The following PUF60 variants were observed in gnomAD, a reference collection of about 807,000 sequenced individuals.
PUF60 encodes the protein poly(U) binding splicing factor 60.
Under a neutral mutation model 61.8 loss-of-function variants are expected in PUF60, and 10 were observed. The observed-to-expected ratio is 0.16, with a 90% CI of 0.10 to 0.27. The LOEUF (loss-of-function observed/expected upper bound fraction) is 0.27, where lower values mean the gene tolerates loss of function less well. PUF60 is among the 10% of genes least tolerant of loss of function. The probability of loss-of-function intolerance (pLI) is 1.00; values close to 1 mark genes in which losing one functional copy is unlikely to be tolerated. For synonymous variants in PUF60, 353 were observed against 300.9 expected (o/e 1.17, Z -1.79); for missense variants, 371 against 754.0 (o/e 0.49, Z 5.95).
Position 143,818,618 on chromosome 8 carries a change from C to G in PUF60, c.349-84G>C. 7.1e-7 allele frequency: 1 copy of G among 1,415,922 alleles called. No homozygotes were observed. The highest frequency in any genetic ancestry group is 2.5e-5 in the East Asian group (1 of 39,972). 87.7% of individuals were successfully genotyped at this position (1,415,922 alleles called of 1,614,324 possible). ...CAGCCCACTCCCCTCCTGGCCCACCCACCCAGCCCTGCTGTGGGGAGGGCT... is the reference window on the plus strand; with the variant it reads ...CAGCCCACTCCCCTCCTGGCCCACCGACCCAGCCCTGCTGTGGGGAGGGCT... On this transcript the variant is annotated intron_variant, in intron 5 of 11. Coordinates refer to ENST00000526683, the MANE Select transcript of PUF60 (RefSeq NM_078480.3). The surrounding 1 kb of genome is among the most constrained non-coding windows in gnomAD (Gnocchi z 7.9).
intron 4 of PUF60, 95 bp from the exon 5 acceptor site, chr8:143,820,811 C>T: frequency 8.1e-7 from 1 of 1,235,722 alleles, no homozygotes; most frequent in Non-Finnish European, 1.2e-6. Flanking sequence ...GGCCCGGAGT[C>T]CCCGCCCTGC....
At chr8:143,821,441 G>C in intron 4 of PUF60, 156 bp downstream of exon 4, 1 of 717,680 alleles carries the variant, frequency 1.4e-6, no homozygotes, top group Non-Finnish European at 2.3e-6. Flanking sequence ...TCGTGCCTCA[G>C]AGAGGACCCC....
chr8:143,819,549 C>T (rs1217717899), intron 5 of PUF60, among the ~76,000 whole-genome samples: 1 of 152,146 alleles, frequency 6.6e-6, no homozygotes, highest in Non-Finnish European at 1.5e-5. Context: ...TAATGCAGGC[C>T]GAACCTCCCC....
chr8:143,825,301 A>C (rs1207970686), intron 1 of PUF60, among the ~76,000 whole-genome samples: 1 of 152,174 alleles, frequency 6.6e-6, no homozygotes, highest in African/African-American at 2.4e-5. Context: ...GACCCACCAG[A>C]GTGTCCCAGG....
intron 2 of PUF60, chr8:143,823,183 C>T (rs1205819153): frequency 6.2e-6 from 1 of 160,244 alleles, no homozygotes; most frequent in Admixed American, 6.3e-5. Flanking sequence ...CCCTCAGCAC[C>T]AGGTGCCCCA....
rs376775479 is a variant in PUF60, at chr8:143,821,926, C to A, written c.112-13G>T. 1 of 1,570,856 alleles carries A rather than the reference C, an allele frequency of 6.4e-7. No individual in the cohort carries two copies. The stretch of plus-strand genomic sequence containing the variant: ...TGGAGTCTGTGCCCTGGTAAGGGAG[C>A]AGGGGAATCCATCAGCAGCAAGCTC... On this transcript the variant is annotated splice_polypyrimidine_tract_variant and intron_variant, in intron 2 of 11. Coordinates refer to ENST00000526683, the MANE Select transcript of PUF60 (RefSeq NM_078480.3).
At chr8:143,816,879 T>TC (rs1816370154) in intron 11 of PUF60, 31 bp downstream of exon 11, 7 of 901,096 alleles carry the variant, frequency 7.8e-6, no homozygotes, top group East Asian at 5.1e-5. Flanking sequence ...CCCTACCCTC[T>TC]CCCCCGCCAC....
intron 5 of PUF60, chr8:143,820,133 G>T (rs534172490): frequency 6.4e-6 from 1 of 157,376 alleles, no homozygotes; most frequent in Admixed American, 6.4e-5. Context: ...CCTCCGCCCT[G>T]GCTGCGTGGC....
At chr8:143,820,382 G>C (rs1481049062) in intron 5 of PUF60, 5 of 531,796 alleles carry the variant, frequency 9.4e-6, no homozygotes, top group African/African-American at 2.0e-5. Flanking sequence ...GCGCAGACGG[G>C]CCTGGTGCTG....
chr8:143,828,223 G>T (rs1186983856), intron 1 of PUF60, among the ~76,000 whole-genome samples: 2 of 152,206 alleles, frequency 1.3e-5, no homozygotes, highest in African/African-American at 2.4e-5. Context: ...CAGCCCGCCC[G>T]CTGGGGGCCT....
rs373217642 is a variant in PUF60, at chr8:143,817,074, T to C, written c.1216A>G (p.Ser406Gly). ...TCCAGGAGACCCAGCGTTGGAGGGC[T>C]GGCCAGGATGGGGTTCACCACTCCC... ...SVGVVNPILA[S>G]PPTLGLLEPK... The change falls in exon 11 of 12, where the codon AGC becomes GGC. Residue 406 changes from serine to glycine, a missense_variant. Physicochemically the swap from Ser to Gly is moderately conservative, Grantham distance 56. This residue lies in a region of PUF60 where 68 missense variants were observed against 69.4 expected (regional missense o/e 0.98). Transcript: ENST00000526683. The surrounding 1 kb of genome is among the most constrained non-coding windows in gnomAD (Gnocchi z 7.4). 68 of 1,611,686 alleles carry C rather than the reference T, an allele frequency of 4.2e-5. 1 individual carries two copies. In the African/African-American group the frequency reaches 8.3e-4, roughly 20 times the overall value.
chr8:143,817,847 G>A lies in PUF60; in HGVS notation c.817+15C>T, dbSNP rs776226845. ...CTCAGGTGGCCCCCATCCCGCCTCA[G>A]CCACCCCAGCTCACCAATGAAGCCG... On this transcript the variant is annotated intron_variant, in intron 8 of 11. Transcript: ENST00000526683. The surrounding 1 kb of genome is among the most constrained non-coding windows in gnomAD (Gnocchi z 7.4). 11 of 1,610,330 alleles carry A rather than the reference G, an allele frequency of 6.8e-6. No individual in the cohort carries two copies. The highest frequency in any genetic ancestry group is 9.3e-6 in the Non-Finnish European group (11 of 1,178,202).
At chr8:143,823,648 C>T (rs1817278923) in intron 2 of PUF60, among the ~76,000 whole-genome samples, 2 of 152,224 alleles carry the variant, frequency 1.3e-5, no homozygotes, top group Non-Finnish European at 2.9e-5. Flanking sequence ...GGCTGCCAGG[C>T]CACCTTGCTG....
chr8:143,826,714 G>A (rs543669406), intron 1 of PUF60, among the ~76,000 whole-genome samples: 12 of 152,116 alleles, frequency 7.9e-5, no homozygotes, highest in Middle Eastern at 3.4e-3. Context: ...GCAAAACTCC[G>A]TCTCACACAC....
chr8:143,820,797 G>C (rs560563248), intron 4 of PUF60, 81 bp from the exon 5 acceptor site: 1 of 1,369,832 alleles, frequency 7.3e-7, no homozygotes, highest in Non-Finnish European at 1.0e-6. Context: ...GCAGACAGCG[G>C]CAAGGCCCGG....
In PUF60 at chr8:143,824,679, C is replaced by T. The variant is rs183806847; in HGVS notation, c.25-280G>A. The stretch of plus-strand genomic sequence containing the variant: ...AGGGTAGAGAGAGCTGTGCTCCTGC[C>T]CCAGGCAAAAGAAAGCCATCCTCTC... On this transcript the variant is annotated intron_variant, in intron 1 of 11. Coordinates refer to ENST00000526683, the MANE Select transcript of PUF60 (RefSeq NM_078480.3). 4.2e-4 allele frequency: 203 copies of T among 479,012 alleles called. No individual in the cohort carries two copies. The East Asian group carries it at 7.3e-3, about 17-fold the overall frequency. 29.7% of individuals were successfully genotyped at this position (479,012 alleles called of 1,614,324 possible).
In PUF60 at chr8:143,818,738, G is replaced by A. The variant is rs971133146; in HGVS notation, c.349-204C>T. The A allele has an allele frequency of 6.9e-5, 43 of 624,072 alleles. No individual in the cohort carries two copies. The highest frequency in any genetic ancestry group is 4.2e-4 in the African/African-American group (23 of 54,218). The allele number at this position is 624,072 out of a possible 1,614,324, so 38.7% of individuals were successfully genotyped here. On this transcript the variant is annotated intron_variant, in intron 5 of 11. Coordinates refer to ENST00000526683, the MANE Select transcript of PUF60 (RefSeq NM_078480.3). The surrounding 1 kb of genome is among the most constrained non-coding windows in gnomAD (Gnocchi z 7.9). ...CCAAAGAAGGAAGGCCAGGCCCAGC[G>A]GCAGGACAGGACGCACCCCAGCCCG...
At chr8:143,828,849 T>C (rs1011950466) in intron 1 of PUF60, 2 of 890,866 alleles carry the variant, frequency 2.2e-6, no homozygotes, top group Non-Finnish European at 2.7e-6. Flanking sequence ...TGCAGGCCCC[T>C]TTCTACAGGT....
In PUF60 at chr8:143,821,983, A is replaced by AC. The variant is rs1457079396; in HGVS notation, c.112-71dup. On this transcript the variant is annotated intron_variant, in intron 2 of 11. Coordinates refer to ENST00000526683, the MANE Select transcript of PUF60 (RefSeq NM_078480.3). ...TCCTTCACGTGGCCCCAGGAGGGCC[A>AC]CCCCTAGCACAGACTGTCCCCTGCC... is the stretch of plus-strand genomic sequence containing the variant. 1.0e-5 allele frequency: 12 copies of AC among 1,183,156 alleles called. No individual in the cohort carries two copies. The South Asian group carries it at 1.3e-4, about 13-fold the overall frequency. The allele number at this position is 1,183,156 out of a possible 1,614,324, so 73.3% of individuals were successfully genotyped here.
Sources: allele counts gnomAD v4.1 joint callset (sites outside exome capture counted in the v4.1 genomes callset), GRCh38; gene constraint gnomAD v4.1.1; regional missense constraint gnomAD v4.1.1; non-coding constraint Gnocchi (gnomAD v3.1); transcripts MANE v1.5; gene names NCBI Gene and HGNC (gene_info 2026-07-23, HGNC 2026-07-21).